The following PTPRU variants were observed in gnomAD, a reference collection of about 807,000 sequenced individuals.
PTPRU encodes receptor-type tyrosine-protein phosphatase U.
PTPRU carries 69 observed loss-of-function variants against 166.3 expected under a neutral mutation model. That is an observed-to-expected ratio of 0.41 (90% CI 0.34 to 0.51). The LOEUF (loss-of-function observed/expected upper bound fraction) is 0.51. Among genes scored for constraint, PTPRU ranks in the 20% least tolerant of loss-of-function variants. The pLI, the probability that PTPRU is intolerant of heterozygous loss-of-function variation, is 0.09. For missense variants in PTPRU, 1,657 were observed against 2,013.7 expected (o/e 0.82, Z 3.39); for synonymous variants, 793 against 814.0 (o/e 0.97, Z 0.44).
Position 29,315,358 on chromosome 1 carries a change from T to G in PTPRU, c.3228-14T>G. On this transcript the variant is annotated splice_polypyrimidine_tract_variant and intron_variant, in intron 22 of 29. Coordinates refer to ENST00000373779, the MANE Select transcript of PTPRU (RefSeq NM_133178.4). This position sits in a 1 kb window ranked among gnomAD's most constrained non-coding sequence, Gnocchi z 4.5. ...CCAAAGCTCTGACCTGGTCTGGGGC[T>G]GCTCTCTCTCCAGCGCGGGCACCGG... The G allele has an allele frequency of 6.2e-7, 1 of 1,614,038 alleles. No homozygotes were observed. The highest frequency in any genetic ancestry group is 8.5e-7 in the Non-Finnish European group (1 of 1,180,028).
intron 22 of PTPRU, among the ~76,000 whole-genome samples, chr1:29,313,179 C>G (rs535535673): frequency 6.6e-6 from 1 of 152,330 alleles, no homozygotes; most frequent in African/African-American, 2.4e-5. Flanking sequence ...CCTCCTCTCT[C>G]TGCTTTCTCC....
At chr1:29,241,633 C>A (rs1259862227) in intron 1 of PTPRU, among the ~76,000 whole-genome samples, 1 of 151,006 alleles carries the variant, frequency 6.6e-6, no homozygotes. Flanking sequence ...CTCACTCTGT[C>A]ACCCAGGCTG....
At chr1:29,283,024 G>A (rs72884571) in intron 12 of PTPRU, 75 bp downstream of exon 12, 276,859 of 1,562,402 alleles carry the variant, frequency 0.18, 33,272 homozygotes, top group East Asian at 0.65. Context: ...CCTTGGAGCA[G>A]GCCCAGCGCA....
rs776960939 is a variant in PTPRU, at chr1:29,315,463, G to A, written c.3319G>A (p.Val1107Met). 1 of 1,614,144 alleles carries A rather than the reference G, an allele frequency of 6.2e-7. No individual in the cohort carries two copies. Among genetic ancestry groups the A allele is most frequent in the Non-Finnish European group, 8.5e-7 (1 of 1,180,034 alleles). The change falls in exon 23 of 30, where the codon GTG becomes ATG. Residue 1107 changes from valine (V) to methionine (M), a missense_variant. Physicochemically the swap from Val to Met is conservative, Grantham distance 21 (BLOSUM62 1). This residue lies in a region of PTPRU where 1,190 missense variants were observed against 1,477.4 expected (regional missense o/e 0.81). Transcript: ENST00000373779. This position sits in a 1 kb window ranked among gnomAD's most constrained non-coding sequence, Gnocchi z 4.5. ...GGGCGTCGTGGACATTTACAACTGT[G>A]TGAAGACTCTCTGCTCCCGGCGTGT... is the stretch of plus-strand genomic sequence containing the variant. ...CEGVVDIYNC[V>M]KTLCSRRVNM... is the part of the protein sequence containing the mutation.
At chr1:29,269,246 ATTTTTTTTTTTTTTT>A (rs1175870568) in intron 7 of PTPRU, among the ~76,000 whole-genome samples, 1 of 20,588 alleles carries the variant, frequency 4.9e-5, no homozygotes, top group Non-Finnish European at 1.0e-4. Context: ...ATATATATAT[ATTTTTTTTTTTTTTT>A]TTTTTTTTTT....
chr1:29,304,980 A>G (rs1687320855), intron 17 of PTPRU, 131 bp downstream of exon 17: 1 of 717,012 alleles, frequency 1.4e-6, no homozygotes, highest in Non-Finnish European at 2.3e-6. Flanking sequence ...TTGAGGGCCT[A>G]CCACACGTCA....
At position 29,282,546 on chromosome 1, in the gene PTPRU, A is replaced by G. The variant is rs529215387; in HGVS notation, c.1869-130A>G. On this transcript the variant is annotated intron_variant, in intron 11 of 29. Transcript: ENST00000373779. ...GGGAGGTTAGGGGACTTGCCCAGCT[A>G]GTAAGGAGCAGTGTGTGGAAGTTAG... The G allele has an allele frequency of 4.0e-6, 5 of 1,265,162 alleles. No homozygotes were observed. The African/African-American group carries it at 4.5e-5, about 11-fold the overall frequency. 78.4% of individuals were successfully genotyped at this position (1,265,162 alleles called of 1,614,324 possible).
At chr1:29,299,280 C>T (rs919548366) in intron 15 of PTPRU, among the ~76,000 whole-genome samples, 3 of 152,172 alleles carry the variant, frequency 2.0e-5, no homozygotes, top group African/African-American at 7.2e-5. Flanking sequence ...TCCACAGTCA[C>T]GATGGTGCTA....
chr1:29,272,919 A>G (rs1003301221), intron 7 of PTPRU, among the ~76,000 whole-genome samples: 2 of 149,958 alleles, frequency 1.3e-5, no homozygotes, highest in African/African-American at 2.5e-5. Flanking sequence ...AAAAAAAAAA[A>G]AAAAAAAAGA....
At chr1:29,299,260 C>G (rs992129587) in intron 15 of PTPRU, among the ~76,000 whole-genome samples, 5 of 152,192 alleles carry the variant, frequency 3.3e-5, no homozygotes, top group African/African-American at 1.2e-4. Flanking sequence ...TGGTTACTCA[C>G]AGAAGATGTT....
In PTPRU at chr1:29,323,682, G is replaced by C. The variant is rs746953833; in HGVS notation, c.4006G>C (p.Ala1336Pro). The change falls in exon 28 of 30, where the codon GCA becomes CCA. Residue 1336 changes from alanine (A) to proline (P), a missense_variant. By Grantham distance (27) the Ala-to-Pro change is conservative. Coordinates refer to ENST00000373779, the MANE Select transcript of PTPRU (RefSeq NM_133178.4). ...VRHFQFLRWS[A>P]YRDTPDSKKA... Reference sequence around the variant, plus strand: ...GCACTTCCAGTTCCTGCGCTGGTCTGCATACCGGGACACACCTGACTCCAA... The same window carrying C: ...GCACTTCCAGTTCCTGCGCTGGTCTCCATACCGGGACACACCTGACTCCAA... 1.2e-6 allele frequency: 2 copies of C among 1,614,180 alleles called. No individual in the cohort carries two copies. The highest frequency in any genetic ancestry group is 2.2e-5 in the South Asian group (2 of 91,082).
intron 18 of PTPRU, among the ~76,000 whole-genome samples, chr1:29,308,585 A>G (rs966503866): frequency 7.3e-5 from 11 of 150,504 alleles, no homozygotes. Context: ...AAAAAAAAAA[A>G]AGAGAGAGAG....
In PTPRU at chr1:29,283,946, C is replaced by A. The variant is rs1686220969; in HGVS notation, c.2149C>A (p.Arg717=). ...QAASHLKGET[R]LNCIRIARKA... is the part of the protein sequence containing the mutation. ...CCCCCATCTGTGCCTCCAGGAGACC[C>A]GGCTGAATTGCATCCGCATTGCCAG... The change falls in exon 13 of 30, where the codon CGG becomes AGG. Residue 717 remains arginine, a synonymous_variant. Coordinates refer to ENST00000373779, the MANE Select transcript of PTPRU (RefSeq NM_133178.4). 8.7e-6 allele frequency: 14 copies of A among 1,614,012 alleles called. No homozygotes were observed. The highest frequency in any genetic ancestry group is 1.2e-5 in the Non-Finnish European group (14 of 1,180,046).
chr1:29,295,590 C>A (rs932681925), intron 15 of PTPRU, among the ~76,000 whole-genome samples: 13 of 152,196 alleles, frequency 8.5e-5, no homozygotes, highest in Non-Finnish European at 1.8e-4. Flanking sequence ...TTATTTTTGA[C>A]TTCTATTGCA....
intron 1 of PTPRU, among the ~76,000 whole-genome samples, chr1:29,252,528 A>G (rs1051828491): frequency 6.6e-6 from 1 of 152,002 alleles, no homozygotes; most frequent in Non-Finnish European, 1.5e-5. Flanking sequence ...TCGGCCTCCC[A>G]AAGTGTTGGG....
At position 29,305,472 on chromosome 1, in the gene PTPRU, G is replaced by A. The variant is rs376650072; in HGVS notation, c.2820+44G>A. 6.2e-5 allele frequency: 98 copies of A among 1,573,288 alleles called. 1 individual carries two copies. In the East Asian group the frequency reaches 6.9e-4, roughly 11 times the overall value. On this transcript the variant is annotated intron_variant, in intron 18 of 29. Coordinates refer to ENST00000373779, the MANE Select transcript of PTPRU (RefSeq NM_133178.4). ...CATTTCTGCAGACCTGGCCCTGCCC[G>A]CTCCAGGCTTACTATCCAGGCAGGG...
intron 2 of PTPRU, 142 bp from the exon 3 acceptor site, chr1:29,258,363 G>A: frequency 1.2e-6 from 1 of 857,096 alleles, no homozygotes; most frequent in Non-Finnish European, 1.8e-6. Context: ...CACCCAGGGA[G>A]GTGGAGCTGG....
chr1:29,310,482 C>T (rs1687600097), intron 18 of PTPRU, among the ~76,000 whole-genome samples: 1 of 152,098 alleles, frequency 6.6e-6, no homozygotes, highest in Non-Finnish European at 1.5e-5. Context: ...CCTCTAGGCA[C>T]ATAAAGGAGT....
intron 1 of PTPRU, among the ~76,000 whole-genome samples, chr1:29,251,430 C>T (rs973306875): frequency 6.6e-6 from 1 of 151,954 alleles, no homozygotes; most frequent in Non-Finnish European, 1.5e-5. Flanking sequence ...TTATTCTGGC[C>T]GAAGTGAGAT....
Sources: gnomAD v4.1 joint callset for allele counts (sites outside exome capture counted in the v4.1 genomes callset) on GRCh38, gnomAD v4.1.1 for gene constraint, gnomAD v4.1.1 regional missense constraint, Gnocchi (gnomAD v3.1) non-coding constraint, MANE v1.5 for transcripts, NCBI Gene and HGNC (gene_info 2026-07-23, HGNC 2026-07-21) for gene names.